Variants in FTO observed in about 807,000 individuals in gnomAD.
The protein encoded by FTO is alpha-ketoglutarate-dependent dioxygenase FTO.
In FTO, 47 loss-of-function variants were observed where a neutral mutation model predicts 63.9. The observed-to-expected ratio is 0.74, with a 90% CI of 0.58 to 0.94. The LOEUF (loss-of-function observed/expected upper bound fraction) is 0.94, where lower values mean the gene tolerates loss of function less well. Ranked by LOEUF, FTO falls within the 40% of genes least tolerant of loss-of-function variation. The pLI is 0.00. For synonymous variants in FTO, 207 were observed against 224.4 expected (o/e 0.92, Z 0.69); for missense variants, 562 against 618.1 (o/e 0.91, Z 0.96).
chr16:53,839,769 C>CTTTTTTTTTT (rs146746378), intron 3 of FTO, among the ~76,000 whole-genome samples: 1 of 144,152 alleles, frequency 6.9e-6, no homozygotes, highest in Non-Finnish European at 1.5e-5. Context: ...AATTGGTTTT[C>CTTTTTTTTTT]TTTTTTTTTA....
intron 8 of FTO, chr16:54,040,521 A>G (rs2085047432): frequency 6.6e-6 from 1 of 152,250 alleles, no homozygotes. Flanking sequence ...AAACAAATAC[A>G]TAGAAGACAA....
At chr16:53,978,705 T>C (rs1213482138) in intron 8 of FTO, among the ~76,000 whole-genome samples, 5 of 152,118 alleles carry the variant, frequency 3.3e-5, no homozygotes, top group African/African-American at 1.2e-4. Context: ...AAATAAAAAT[T>C]ACCCATAATC....
chr16:53,746,567 T>C (rs1413007608), intron 1 of FTO, among the ~76,000 whole-genome samples: 1 of 152,176 alleles, frequency 6.6e-6, no homozygotes, highest in Non-Finnish European at 1.5e-5. Flanking sequence ...TTTTAAATCA[T>C]TTTTTATTGT....
At chr16:53,976,069 TA>T (rs1249087042) in intron 8 of FTO, among the ~76,000 whole-genome samples, 1 of 152,202 alleles carries the variant, frequency 6.6e-6, no homozygotes, top group Admixed American at 6.5e-5. Flanking sequence ...CTTTTCACTG[TA>T]AAAATTTAAT....
chr16:53,846,174 C>G (rs923825942), intron 4 of FTO, among the ~76,000 whole-genome samples: 24 of 152,098 alleles, frequency 1.6e-4, no homozygotes, highest in Admixed American at 1.5e-3. Context: ...GCTATTTCAA[C>G]CTGATCCCAA....
intron 8 of FTO, chr16:53,984,897 A>G (rs914664990): frequency 8.8e-6 from 4 of 456,152 alleles, no homozygotes; most frequent in Admixed American, 2.4e-5. Flanking sequence ...TTGAGGTTTC[A>G]GGACACGGAG....
At chr16:53,839,971 A>T (rs1009124893) in intron 3 of FTO, among the ~76,000 whole-genome samples, 1 of 151,314 alleles carries the variant, frequency 6.6e-6, no homozygotes, top group African/African-American at 2.4e-5. Flanking sequence ...CACCCAGCTA[A>T]TTTTTGCATT....
At chr16:53,954,158 T>C (rs1455532074) in intron 8 of FTO, among the ~76,000 whole-genome samples, 1 of 152,134 alleles carries the variant, frequency 6.6e-6, no homozygotes, top group Non-Finnish European at 1.5e-5. Flanking sequence ...CATTTTGAAA[T>C]ATAAAAAGAC....
chr16:53,808,724 G>A (rs2078436270), intron 1 of FTO, among the ~76,000 whole-genome samples: 1 of 152,240 alleles, frequency 6.6e-6, no homozygotes, highest in African/African-American at 2.4e-5. Flanking sequence ...AGCAGGTGGA[G>A]CCTGAAATCC....
chr16:54,012,681 C>T (rs1001745916), intron 8 of FTO, among the ~76,000 whole-genome samples: 9 of 152,094 alleles, frequency 5.9e-5, no homozygotes, highest in African/African-American at 1.9e-4. Context: ...GCTCATTTAC[C>T]GTTCTGAAAA....
intron 8 of FTO, among the ~76,000 whole-genome samples, chr16:54,030,901 T>C (rs1388736395): frequency 6.6e-6 from 1 of 152,170 alleles, no homozygotes; most frequent in Non-Finnish European, 1.5e-5. Context: ...ATCCTTCTAA[T>C]AGAAGGGGTT....
chr16:54,066,346 G>A (rs978369170), intron 8 of FTO, among the ~76,000 whole-genome samples: 10 of 152,130 alleles, frequency 6.6e-5, no homozygotes, highest in Non-Finnish European at 1.5e-4. Flanking sequence ...AACTGGAAAC[G>A]TATCCCAGCC....
intron 6 of FTO, among the ~76,000 whole-genome samples, chr16:53,881,578 A>G (rs895893317): frequency 6.6e-6 from 1 of 152,188 alleles, no homozygotes; most frequent in Non-Finnish European, 1.5e-5. Flanking sequence ...CCCTGGGAGC[A>G]AGTGTCACTG....
chr16:53,708,262 A>G (rs1291843627), intron 1 of FTO, among the ~76,000 whole-genome samples: 1 of 152,052 alleles, frequency 6.6e-6, no homozygotes, highest in African/African-American at 2.4e-5. Flanking sequence ...GCTACTCGGG[A>G]GGCTGAGGCA....
At chr16:53,896,893 T>G (rs1567411096) in intron 7 of FTO, among the ~76,000 whole-genome samples, 1 of 152,156 alleles carries the variant, frequency 6.6e-6, no homozygotes, top group Non-Finnish European at 1.5e-5. Context: ...TTTGAGAGGC[T>G]GGGCTGGGAA....
intron 4 of FTO, among the ~76,000 whole-genome samples, chr16:53,851,351 C>T (rs1341892526): frequency 1.3e-5 from 2 of 149,526 alleles, no homozygotes; most frequent in Admixed American, 6.7e-5. Context: ...CCCAGCTACT[C>T]GGGAGGCTGA....
chr16:53,813,403 G>A (rs927300960), intron 2 of FTO, among the ~76,000 whole-genome samples: 8 of 151,874 alleles, frequency 5.3e-5, no homozygotes, highest in Non-Finnish European at 1.2e-4. Flanking sequence ...GTAGAGATGG[G>A]GTTTCACCAT....
intron 1 of FTO, among the ~76,000 whole-genome samples, chr16:53,802,710 A>T (rs1431818166): frequency 6.6e-6 from 1 of 151,970 alleles, no homozygotes; most frequent in African/African-American, 2.4e-5. Flanking sequence ...CCCATAGCTC[A>T]CTGATGCTCT....
chr16:54,083,272 C>T (rs1178921435), intron 8 of FTO, among the ~76,000 whole-genome samples: 1 of 152,184 alleles, frequency 6.6e-6, no homozygotes, highest in Non-Finnish European at 1.5e-5. Context: ...ATTATCTCCT[C>T]ACCTCCCCCC....
Sources: allele counts gnomAD v4.1 joint callset (sites outside exome capture counted in the v4.1 genomes callset), GRCh38; gene constraint gnomAD v4.1.1; transcripts MANE v1.5; gene names NCBI Gene and HGNC (gene_info 2026-07-23, HGNC 2026-07-21).